The following DGKB variants were observed in gnomAD, a reference collection of about 807,000 sequenced individuals.
The protein encoded by DGKB is diacylglycerol kinase beta, also known as 90 kDa diacylglycerol kinase.
DGKB carries 67 observed loss-of-function variants against 114.3 expected under a neutral mutation model. The ratio of observed to expected loss-of-function variants is 0.59; its 90% CI spans 0.48 to 0.72. The LOEUF (loss-of-function observed/expected upper bound fraction) is 0.72. Among genes scored for constraint, DGKB ranks in the 30% least tolerant of loss-of-function variants. The pLI is 0.00. For missense variants in DGKB, 907 were observed against 975.2 expected (o/e 0.93, Z 0.93); for synonymous variants, 398 against 323.1 (o/e 1.23, Z -2.49).
intron 17 of DGKB, among the ~76,000 whole-genome samples, chr7:14,601,563 G>A (rs533361168): frequency 6.6e-6 from 1 of 152,058 alleles, no homozygotes; most frequent in Non-Finnish European, 1.5e-5. Flanking sequence ...CCCTTTTGAT[G>A]ACAAATTCTG....
chr7:14,565,164 G>C (rs181258043), intron 20 of DGKB, among the ~76,000 whole-genome samples: 96 of 152,118 alleles, frequency 6.3e-4, no homozygotes, highest in African/African-American at 2.2e-3. Context: ...TTTGCATTGG[G>C]CTTTACCCTC....
chr7:14,698,536 A>G (rs1824510703), intron 7 of DGKB, among the ~76,000 whole-genome samples: 1 of 152,082 alleles, frequency 6.6e-6, no homozygotes, highest in Non-Finnish European at 1.5e-5. Flanking sequence ...ATAGATGTGA[A>G]AGGGTGGACA....
intron 21 of DGKB, among the ~76,000 whole-genome samples, chr7:14,467,316 G>A (rs1780627482): frequency 6.6e-6 from 1 of 150,576 alleles, no homozygotes; most frequent in African/African-American, 2.4e-5. Flanking sequence ...AAAAGTATAT[G>A]AGTTAATGCA....
At chr7:14,529,455 G>A (rs1791197810) in intron 20 of DGKB, among the ~76,000 whole-genome samples, 1 of 151,450 alleles carries the variant, frequency 6.6e-6, no homozygotes, top group Admixed American at 6.6e-5. Flanking sequence ...ATTAATATGA[G>A]CCCTGAAATA....
intron 23 of DGKB, among the ~76,000 whole-genome samples, chr7:14,325,156 T>C (rs1808499670): frequency 6.6e-6 from 1 of 152,154 alleles, no homozygotes; most frequent in African/African-American, 2.4e-5. Flanking sequence ...GAGAGTGCTC[T>C]TATAAACAGC....
intron 1 of DGKB, among the ~76,000 whole-genome samples, chr7:14,946,345 C>G (rs953568450): frequency 2.6e-5 from 4 of 151,576 alleles, no homozygotes; most frequent in Non-Finnish European, 5.9e-5. Flanking sequence ...AATGAATGGA[C>G]CCTCCATTTC....
chr7:14,581,075 A>G (rs1799862043), intron 18 of DGKB, 124 bp from the exon 19 acceptor site: 1 of 536,048 alleles, frequency 1.9e-6, no homozygotes. Context: ...ACAAAACATA[A>G]TTGTAGTTTT....
chr7:14,364,397 G>GA (rs61170373), intron 21 of DGKB, among the ~76,000 whole-genome samples: 144 of 147,108 alleles, frequency 9.8e-4, no homozygotes, highest in Middle Eastern at 3.5e-3. Flanking sequence ...GAAAGCAAAG[G>GA]AAAAAAAAAG....
intron 23 of DGKB, among the ~76,000 whole-genome samples, chr7:14,260,655 G>T (rs1227033232): frequency 6.6e-6 from 1 of 152,046 alleles, no homozygotes; most frequent in African/African-American, 2.4e-5. Flanking sequence ...TATAATTAGG[G>T]GTGAGACCTC....
At chr7:14,429,898 G>C (rs1408028305) in intron 21 of DGKB, among the ~76,000 whole-genome samples, 11 of 150,550 alleles carry the variant, frequency 7.3e-5, no homozygotes, top group African/African-American at 1.5e-4. Context: ...CTGGACTCCA[G>C]CCTGGGCTAC....
rs1191707302 is a variant in DGKB at position 14,615,459 on chromosome 7, T to C, written c.1285-2046A>G. ...GGAATTAAAATTGTATTTTAAGTTA[T>C]ATACTGTTATGAACAAATAAATATC... is the stretch of plus-strand genomic sequence containing the variant. On this transcript the variant is annotated intron_variant, in intron 15 of 25. Coordinates refer to ENST00000402815, the MANE Select transcript of DGKB (RefSeq NM_001350709.2). Among the ~76,000 whole-genome samples the C allele has an allele frequency of 4.0e-5, 6 of 151,864 alleles. No homozygotes were observed. In the East Asian group the frequency reaches 1.2e-3, roughly 29 times the overall value.
intron 20 of DGKB, among the ~76,000 whole-genome samples, chr7:14,506,989 C>A (rs1409795860): frequency 6.6e-6 from 1 of 152,158 alleles, no homozygotes; most frequent in Non-Finnish European, 1.5e-5. Flanking sequence ...AGGTGACATA[C>A]AAATTTGTAT....
At chr7:14,157,207 A>C (rs1783143902) in intron 25 of DGKB, among the ~76,000 whole-genome samples, 1 of 152,136 alleles carries the variant, frequency 6.6e-6, no homozygotes, top group Non-Finnish European at 1.5e-5. Context: ...ACTTAGCTTG[A>C]TTCTGGAATA....
At chr7:14,492,315 G>A (rs908336091) in intron 20 of DGKB, among the ~76,000 whole-genome samples, 6 of 151,970 alleles carry the variant, frequency 3.9e-5, no homozygotes, top group Admixed American at 6.6e-5. Flanking sequence ...TTGAGGGAGT[G>A]AGGAGGTAGC....
upstream of DGKB, among the ~76,000 whole-genome samples, chr7:14,907,613 T>C (rs969028039): frequency 6.6e-6 from 1 of 152,216 alleles, no homozygotes; most frequent in African/African-American, 2.4e-5. Context: ...CCTGTCTTCA[T>C]TGAAACCATA....
intron 6 of DGKB, 37 bp from the exon 7 acceptor site, chr7:14,701,767 C>A: frequency 7.3e-7 from 1 of 1,365,256 alleles, no homozygotes; most frequent in Non-Finnish European, 1.0e-6. Flanking sequence ...AGATTATAGG[C>A]AAATAAGATC....
intron 4 of DGKB, among the ~76,000 whole-genome samples, chr7:14,750,720 T>C (rs1833977152): frequency 6.6e-6 from 1 of 151,972 alleles, no homozygotes. Context: ...TAAGCCTTTT[T>C]ACCAAAATGT....
chr7:14,973,368 G>A (rs1233513835), intron 1 of DGKB, among the ~76,000 whole-genome samples: 3 of 151,698 alleles, frequency 2.0e-5, no homozygotes, highest in East Asian at 3.9e-4. Flanking sequence ...AGAAAATACT[G>A]TTTAGTTAAA....
chr7:14,415,317 C>T (rs907455473), intron 21 of DGKB, among the ~76,000 whole-genome samples: 9 of 151,798 alleles, frequency 5.9e-5, no homozygotes, highest in Non-Finnish European at 8.8e-5. Context: ...ATGTGCACAA[C>T]GTGCAGGTTT....
Sources: gnomAD v4.1 joint callset for allele counts (sites outside exome capture counted in the v4.1 genomes callset) on GRCh38, gnomAD v4.1.1 for gene constraint, MANE v1.5 for transcripts, NCBI Gene and HGNC (gene_info 2026-07-23, HGNC 2026-07-21) for gene names.